The following OR51E1 variants were observed in gnomAD, a reference collection of about 807,000 sequenced individuals.
OR51E1 encodes olfactory receptor family 51 subfamily E member 1, also known as olfactory receptor 51E1.
In OR51E1, 9 loss-of-function variants were observed where a neutral mutation model predicts 11.5. That is an observed-to-expected ratio of 0.78 (90% CI 0.47 to 1.37). OR51E1 has a LOEUF of 1.37. Among genes scored for constraint, OR51E1 ranks in the 40% most tolerant of loss-of-function variants. OR51E1 has a pLI of 0.00. For synonymous variants in OR51E1, 168 were observed against 158.3 expected (o/e 1.06, Z -0.46); for missense variants, 397 against 410.2 (o/e 0.97, Z 0.28).
intron 1 of OR51E1, among the ~76,000 whole-genome samples, chr11:4,649,241 T>A (rs895424446): frequency 1.3e-5 from 2 of 152,214 alleles, no homozygotes; most frequent in Non-Finnish European, 2.9e-5. Context: ...AATGTTCTTT[T>A]TGAGCACAGA....
At chr11:4,651,468 G>A (rs1405135839) in intron 1 of OR51E1, among the ~76,000 whole-genome samples, 2 of 152,202 alleles carry the variant, frequency 1.3e-5, no homozygotes, top group South Asian at 4.1e-4. Context: ...TTGCATCAAA[G>A]TGTTTGTTGC....
At chr11:4,646,219 T>C (rs1347211445) in intron 1 of OR51E1, among the ~76,000 whole-genome samples, 2 of 152,164 alleles carry the variant, frequency 1.3e-5, no homozygotes, top group African/African-American at 2.4e-5. Flanking sequence ...ACTCCATTGC[T>C]CTGGGCATGA....
Position 4,653,541 on chromosome 11 carries a change from A to G in OR51E1, c.*58A>G, listed in dbSNP as rs1847132769. On this transcript the variant is annotated 3_prime_UTR_variant, in exon 2 of 2. Transcript: ENST00000396952. ...GTCCTCTGATTCAGATTTTAATGTT[A>G]ACATTTTGGAAGACAGTATTCAGAA... The G allele has an allele frequency of 1.8e-6, 2 of 1,090,124 alleles. No homozygotes were observed. The highest frequency in any genetic ancestry group is 2.7e-6 in the Non-Finnish European group (2 of 749,534). 67.5% of individuals were successfully genotyped at this position (1,090,124 alleles called of 1,614,324 possible).
At chr11:4,645,854 C>T (rs1183763945) in intron 1 of OR51E1, among the ~76,000 whole-genome samples, 1 of 152,158 alleles carries the variant, frequency 6.6e-6, no homozygotes, top group East Asian at 1.9e-4. Flanking sequence ...AAGTTGCTCT[C>T]TCTCATCTTT....
rs571399105 is a variant in OR51E1, at chr11:4,652,322, T to G, written c.-39-166T>G. ...TAGGACTGGATGAATTTGTGTCTGGTTCTTGAATTATGTTAGATTATGTGA... is the reference window on the plus strand; with the variant it reads ...TAGGACTGGATGAATTTGTGTCTGGGTCTTGAATTATGTTAGATTATGTGA... On this transcript the variant is annotated intron_variant, in intron 1 of 1. Coordinates refer to ENST00000396952, the MANE Select transcript of OR51E1 (RefSeq NM_152430.4). 2.6e-5 allele frequency among the ~76,000 whole-genome samples: 4 copies of G among 152,318 alleles called. No homozygotes were observed. The South Asian group carries it at 8.3e-4, about 32-fold the overall frequency.
intron 1 of OR51E1, among the ~76,000 whole-genome samples, chr11:4,645,851 T>A (rs1475316898): frequency 6.6e-6 from 1 of 152,100 alleles, no homozygotes; most frequent in East Asian, 1.9e-4. Flanking sequence ...TAGAAGTTGC[T>A]CTCTCTCATC....
At chr11:4,649,043 C>T (rs1847062847) in intron 1 of OR51E1, among the ~76,000 whole-genome samples, 1 of 152,076 alleles carries the variant, frequency 6.6e-6, no homozygotes, top group South Asian at 2.1e-4. Flanking sequence ...GCTGTGTTAC[C>T]CTCACTAGAT....
Position 4,653,634 on chromosome 11 carries a change from T to G in OR51E1, c.*151T>G. 1 of 563,508 alleles carries G rather than the reference T, an allele frequency of 1.8e-6. No homozygotes were observed. Among genetic ancestry groups the G allele is most frequent in the South Asian group, 2.7e-5 (1 of 37,312 alleles). 34.9% of individuals were successfully genotyped at this position (563,508 alleles called of 1,614,324 possible). On this transcript the variant is annotated 3_prime_UTR_variant, in exon 2 of 2. Transcript: ENST00000396952. ...ATGAAACTGGTTGGGGAATCTCCAT[T>G]TTTTCAATATTATTTTCTTCTTTGT...
At chr11:4,650,453 C>G (rs4474429) in intron 1 of OR51E1, among the ~76,000 whole-genome samples, 82,509 of 151,964 alleles carry the variant, frequency 0.54, 23,126 homozygotes, top group East Asian at 0.94. Context: ...GAAGTTCTAG[C>G]TTAAATATGG....
In OR51E1 at chr11:4,644,736, A is replaced by T. The variant is rs547335434; in HGVS notation, c.-40+706A>T. Among the ~76,000 whole-genome samples, 11 of 152,156 alleles carry T rather than the reference A, an allele frequency of 7.2e-5. No homozygotes were observed. In the South Asian group the frequency reaches 1.5e-3, roughly 20 times the overall value. On this transcript the variant is annotated intron_variant, in intron 1 of 1. Coordinates refer to ENST00000396952, the MANE Select transcript of OR51E1 (RefSeq NM_152430.4). ...TCTCTGGCTCTTTGTATTAGCCAGGATGTATTTTTAAAAACAAACTAGATA... is the reference window on the plus strand; with the variant it reads ...TCTCTGGCTCTTTGTATTAGCCAGGTTGTATTTTTAAAAACAAACTAGATA...
chr11:4,651,593 G>T (rs1276828481), intron 1 of OR51E1, among the ~76,000 whole-genome samples: 1 of 152,226 alleles, frequency 6.6e-6, no homozygotes, highest in Non-Finnish European at 1.5e-5. Flanking sequence ...CCTCCCATTT[G>T]ACCAAGGACA....
In OR51E1 at chr11:4,653,658, GT is replaced by G. The variant is rs2133228493; in HGVS notation, c.*179del. 1.8e-6 allele frequency: 1 copy of G among 555,906 alleles called. No individual in the cohort carries two copies. Among genetic ancestry groups the G allele is most frequent in the East Asian group, 3.0e-5 (1 of 33,398 alleles). The allele number at this position is 555,906 out of a possible 1,614,324, so 34.4% of individuals were successfully genotyped here. Reference sequence around the variant, plus strand: ...TTTTTTCAATATTATTTTCTTCTTTGTTTTCTTGCTACATATAATTATTAAT... The same window carrying G: ...TTTTTTCAATATTATTTTCTTCTTTGTTTCTTGCTACATATAATTATTAAT... On this transcript the variant is annotated 3_prime_UTR_variant, in exon 2 of 2. Transcript: ENST00000396952.
In OR51E1 at chr11:4,644,001, G is replaced by C. The variant is rs561552929; in HGVS notation, c.-69G>C. 1 of 152,994 alleles carries C rather than the reference G, an allele frequency of 6.5e-6. No individual in the cohort carries two copies. The highest frequency in any genetic ancestry group is 1.5e-5 in the Non-Finnish European group (1 of 68,276). 9.5% of individuals were successfully genotyped at this position (152,994 alleles called of 1,614,324 possible). A position where few individuals can be genotyped will look rare whatever the true frequency, so the allele number is the denominator to read the frequency against. The stretch of plus-strand genomic sequence containing the variant: ...TCTTCTGGAGGAAGACTGGACAAAG[G>C]GGGTCACACATTCCTTCCATACGGT... On this transcript the variant is annotated 5_prime_UTR_variant, in exon 1 of 2. Transcript: ENST00000396952.
chr11:4,646,873 A>G (rs1386387373), intron 1 of OR51E1, among the ~76,000 whole-genome samples: 2 of 152,206 alleles, frequency 1.3e-5, no homozygotes, highest in Admixed American at 1.3e-4. Flanking sequence ...CCTTGGTATG[A>G]GACTATCTAG....
rs914754039 is a variant in OR51E1 at position 4,655,345 on chromosome 11, T to A, written c.*1862T>A. 1.2e-5 allele frequency: 2 copies of A among 167,098 alleles called. No individual in the cohort carries two copies. The highest frequency in any genetic ancestry group is 2.9e-5 in the Non-Finnish European group (2 of 68,116). The allele number at this position is 167,098 out of a possible 1,614,324, so 10.4% of individuals were successfully genotyped here. ...AAATGTGACTTGGGAAGCTATGTGT[T>A]ACACAGAGTAAATCACCAGAAGCCT... On this transcript the variant is annotated 3_prime_UTR_variant, in exon 2 of 2. Coordinates refer to ENST00000396952, the MANE Select transcript of OR51E1 (RefSeq NM_152430.4).
At chr11:4,651,708 A>G (rs1051635081) in intron 1 of OR51E1, among the ~76,000 whole-genome samples, 9 of 152,170 alleles carry the variant, frequency 5.9e-5, no homozygotes, top group African/African-American at 1.4e-4. Context: ...TGGGATACGA[A>G]CGGTATCCAC....
Position 4,653,331 on chromosome 11 carries a change from C to G in OR51E1, c.805C>G (p.Arg269Gly). 2.5e-6 allele frequency: 4 copies of G among 1,614,032 alleles called. No individual in the cohort carries two copies. The highest frequency in any genetic ancestry group is 3.4e-6 in the Non-Finnish European group (4 of 1,179,924). ...GTCCATGGTGCATCGCTTTAGCAAG[C>G]GGCGTGACTCTCCGCTGCCCGTCAT... ...GLSMVHRFSK[R>G]RDSPLPVILA... The change falls in exon 2 of 2, where the codon CGG (arginine) becomes GGG (glycine). Residue 269 changes from arginine to glycine, a missense_variant. Arg to Gly is a moderately radical substitution (Grantham distance 125). Transcript: ENST00000396952.
At chr11:4,651,131 A>G (rs1847092464) in intron 1 of OR51E1, among the ~76,000 whole-genome samples, 1 of 152,210 alleles carries the variant, frequency 6.6e-6, no homozygotes, top group Admixed American at 6.5e-5. Flanking sequence ...CCTCAGTAAT[A>G]TCAAATCATT....
chr11:4,652,553 A>G lies in OR51E1; in HGVS notation c.27A>G (p.Glu9=), dbSNP rs1209324530. ...TGATGGTGGATCCCAATGGCAATGAATCCAGTGCTACATACTTCATCCTAA... is the reference window on the plus strand; with the variant it reads ...TGATGGTGGATCCCAATGGCAATGAGTCCAGTGCTACATACTTCATCCTAA... MMVDPNGN[E]SSATYFILIG... is the part of the protein sequence containing the mutation. The change falls in exon 2 of 2, where the codon GAA becomes GAG. Residue 9 remains glutamate, a synonymous_variant. Transcript: ENST00000396952. 1 of 1,613,738 alleles carries G rather than the reference A, an allele frequency of 6.2e-7. No individual in the cohort carries two copies. The highest frequency in any genetic ancestry group is 1.1e-5 in the South Asian group (1 of 91,042).
Sources: allele counts gnomAD v4.1 joint callset (sites outside exome capture counted in the v4.1 genomes callset), GRCh38; gene constraint gnomAD v4.1.1; transcripts MANE v1.5; gene names NCBI Gene and HGNC (gene_info 2026-07-23, HGNC 2026-07-21).